PIK3C2G: variants seen among roughly 807,000 people sequenced by gnomAD.
The protein encoded by PIK3C2G is phosphatidylinositol-4-phosphate 3-kinase catalytic subunit type 2 gamma, also known as phosphatidylinositol 3-kinase C2 domain-containing subunit gamma.
In PIK3C2G, 168 loss-of-function variants were observed where a neutral mutation model predicts 181.1. The observed-to-expected ratio is 0.93, with a 90% CI of 0.82 to 1.05. The LOEUF (loss-of-function observed/expected upper bound fraction) is 1.05. PIK3C2G is among the 50% of genes least tolerant of loss of function. PIK3C2G has a pLI of 0.00. For missense variants in PIK3C2G, 1,869 were observed against 1,732.8 expected, an observed-to-expected ratio of 1.08 and a Z score of -1.40; for synonymous variants, 573 against 592.2, an observed-to-expected ratio of 0.97 and a Z score of 0.47.
intron 25 of PIK3C2G, among the ~76,000 whole-genome samples, chr12:18,539,745 T>C (rs1944052007): frequency 6.6e-6 from 1 of 151,850 alleles, no homozygotes; most frequent in African/African-American, 2.4e-5. Context: ...CATATTCACC[T>C]TACTTCTCTC....
chr12:18,702,872 G>A, the PIK3C2G span, among the ~76,000 whole-genome samples: 1 of 142,182 alleles, frequency 7.0e-6, no homozygotes, highest in Non-Finnish European at 1.5e-5. Context: ...CCAGGATGGA[G>A]TGCAGTGACA....
intron 24 of PIK3C2G, among the ~76,000 whole-genome samples, chr12:18,535,813 G>A (rs1265715537): frequency 6.6e-6 from 1 of 151,062 alleles, no homozygotes; most frequent in Non-Finnish European, 1.5e-5. Context: ...CAATAGTGAT[G>A]AGTGAGTGAG....
At chr12:18,619,038 AGAAT>A (rs1247228015) in intron 31 of PIK3C2G, among the ~76,000 whole-genome samples, 3 of 151,722 alleles carry the variant, frequency 2.0e-5, no homozygotes, top group African/African-American at 7.2e-5. Flanking sequence ...AAATATTTGA[AGAAT>A]TGATAGCCAG....
the PIK3C2G span, chr12:18,693,143 C>T: frequency 1.1e-5 from 16 of 1,514,714 alleles, no homozygotes; most frequent in African/African-American, 9.7e-5. Context: ...ATCATGCCAT[C>T]GTGTCTACAT....
At chr12:18,686,249 C>T in the PIK3C2G span, among the ~76,000 whole-genome samples, 38 of 151,830 alleles carry the variant, frequency 2.5e-4, no homozygotes, top group Non-Finnish European at 4.1e-4. Context: ...TACTTCTTCT[C>T]AAATCTGCAG....
At chr12:18,433,406 GGGAGGCTGAGGCA>G (rs374613145) in intron 18 of PIK3C2G, among the ~76,000 whole-genome samples, 1,696 of 152,066 alleles carry the variant, frequency 0.011, 29 homozygotes, top group African/African-American at 0.038. Flanking sequence ...CTAGCTACTT[GGGAGGCTGAGGCA>G]GGAGGCTGAG....
chr12:18,644,855 C>T lies in PIK3C2G; in HGVS notation c.4309-3021C>T, dbSNP rs369022931. ...CATTATCCTGCCTCCTCTACCACTT[C>T]CCACAAGCACTAGAGACACTTCAGT... On this transcript the variant is annotated intron_variant, in intron 32 of 32. Coordinates refer to ENST00000538779, the MANE Select transcript of PIK3C2G (RefSeq NM_001288772.2). Among the ~76,000 whole-genome samples the T allele has an allele frequency of 1.6e-4, 24 of 152,254 alleles. 1 individual carries two copies. The highest frequency in any genetic ancestry group is 5.3e-4 in the African/African-American group (22 of 41,558).
chr12:18,712,556 G>A, the PIK3C2G span, among the ~76,000 whole-genome samples: 1 of 151,918 alleles, frequency 6.6e-6, no homozygotes, highest in African/African-American at 2.4e-5. Context: ...AAACTTTCCT[G>A]GCCATCATCC....
At chr12:18,605,591 A>G (rs936760584) in intron 30 of PIK3C2G, among the ~76,000 whole-genome samples, 3 of 152,164 alleles carry the variant, frequency 2.0e-5, no homozygotes, top group Non-Finnish European at 4.4e-5. Context: ...AAAGATAACT[A>G]CAGACCTATA....
intron 9 of PIK3C2G, among the ~76,000 whole-genome samples, chr12:18,342,135 T>A (rs185291868): frequency 3.3e-5 from 5 of 152,274 alleles, no homozygotes; most frequent in Admixed American, 2.6e-4. Context: ...TACAAGTTTA[T>A]ATTTCTAAAT....
At chr12:18,283,085 T>C (rs936812975) in intron 2 of PIK3C2G, among the ~76,000 whole-genome samples, 2 of 152,146 alleles carry the variant, frequency 1.3e-5, no homozygotes, top group African/African-American at 2.4e-5. Flanking sequence ...ATATTTTCTG[T>C]TTTTTGTTTA....
chr12:18,394,876 A>G (rs183160373), intron 15 of PIK3C2G, among the ~76,000 whole-genome samples: 453 of 152,068 alleles, frequency 3.0e-3, no homozygotes, highest in South Asian at 0.018. Flanking sequence ...GCAAAAAATA[A>G]TTAAGGAGAT....
chr12:18,531,616 A>G (rs550858364), intron 24 of PIK3C2G, among the ~76,000 whole-genome samples: 1 of 152,334 alleles, frequency 6.6e-6, no homozygotes, highest in Non-Finnish European at 1.5e-5. Flanking sequence ...AGTATGTTAT[A>G]TAAATAGAAC....
At chr12:18,357,126 T>A (rs1180352427) in intron 11 of PIK3C2G, among the ~76,000 whole-genome samples, 1 of 152,200 alleles carries the variant, frequency 6.6e-6, no homozygotes, top group Non-Finnish European at 1.5e-5. Flanking sequence ...AAAAGATATC[T>A]CAAAATGTTA....
At chr12:18,590,436 T>G (rs1947018463) in intron 29 of PIK3C2G, among the ~76,000 whole-genome samples, 1 of 151,940 alleles carries the variant, frequency 6.6e-6, no homozygotes, top group Non-Finnish European at 1.5e-5. Context: ...TTTATTACTC[T>G]AGCTGGTAAC....
intron 12 of PIK3C2G, among the ~76,000 whole-genome samples, chr12:18,364,627 G>A (rs548010744): frequency 2.6e-5 from 4 of 152,052 alleles, no homozygotes; most frequent in Non-Finnish European, 2.9e-5. Context: ...ACCCAGGTGC[G>A]GTGGCCACAT....
intron 31 of PIK3C2G, among the ~76,000 whole-genome samples, chr12:18,617,952 C>A (rs570395060): frequency 6.6e-6 from 1 of 152,072 alleles, no homozygotes; most frequent in Non-Finnish European, 1.5e-5. Flanking sequence ...CATAAGACCA[C>A]CACAGCCCAT....
chr12:18,486,052 G>A (rs1010208931), intron 18 of PIK3C2G, among the ~76,000 whole-genome samples: 2 of 152,084 alleles, frequency 1.3e-5, no homozygotes, highest in African/African-American at 4.8e-5. Flanking sequence ...AATTTCTCTT[G>A]TCATTTAAAG....
intron 1 of PIK3C2G, among the ~76,000 whole-genome samples, chr12:18,254,941 G>A (rs1948129226): frequency 6.6e-6 from 1 of 151,452 alleles, no homozygotes; most frequent in Non-Finnish European, 1.5e-5. Context: ...TGGGCTCAGT[G>A]GCTCAGGCCG....
Sources: allele counts gnomAD v4.1 joint callset (sites outside exome capture counted in the v4.1 genomes callset), GRCh38; gene constraint gnomAD v4.1.1; transcripts MANE v1.5; gene names NCBI Gene and HGNC (gene_info 2026-07-23, HGNC 2026-07-21).